TMTC2: variants seen among roughly 807,000 people sequenced by gnomAD.
The protein encoded by TMTC2 is protein O-mannosyl-transferase TMTC2.
TMTC2 carries 43 observed loss-of-function variants against 82.4 expected under a neutral mutation model. The ratio of observed to expected loss-of-function variants is 0.52; its 90% confidence interval spans 0.41 to 0.67. TMTC2 has a LOEUF of 0.67. TMTC2 is among the 30% of genes least tolerant of loss of function. The pLI, the probability that TMTC2 is intolerant of heterozygous loss-of-function variation, is 0.00. For synonymous variants in TMTC2, 408 were observed against 381.9 expected (o/e 1.07, Z -0.80); for missense variants, 919 against 1,012.4 (o/e 0.91, Z 1.25).
At chr12:83,059,343 A>T (rs1022874192) in intron 10 of TMTC2, among the ~76,000 whole-genome samples, 2 of 151,984 alleles carry the variant, frequency 1.3e-5, no homozygotes, top group African/African-American at 2.4e-5. Context: ...GGCATTGGAC[A>T]CTTCCTCATG....
intron 11 of TMTC2, among the ~76,000 whole-genome samples, chr12:83,102,092 G>A (rs969133269): frequency 1.3e-5 from 2 of 152,174 alleles, no homozygotes; most frequent in Non-Finnish European, 2.9e-5. Context: ...GAACTGGGTA[G>A]ATTTTTGTCA....
intron 1 of TMTC2, among the ~76,000 whole-genome samples, chr12:82,698,173 T>C (rs971053479): frequency 1.3e-5 from 2 of 152,186 alleles, no homozygotes; most frequent in African/African-American, 2.4e-5. Flanking sequence ...AAAAACCTTT[T>C]TAAGGAACTT....
intron 3 of TMTC2, among the ~76,000 whole-genome samples, chr12:82,917,536 A>G (rs924051898): frequency 6.6e-6 from 1 of 152,092 alleles, no homozygotes. Flanking sequence ...ATTTGTTATG[A>G]GGATTAGGAG....
intron 11 of TMTC2, among the ~76,000 whole-genome samples, chr12:83,091,468 G>T (rs904961326): frequency 6.6e-6 from 1 of 152,030 alleles, no homozygotes; most frequent in African/African-American, 2.4e-5. Context: ...CTTAATAGTT[G>T]CTATACTGCC....
intron 1 of TMTC2, among the ~76,000 whole-genome samples, chr12:82,735,969 T>TCACACACACA (rs148485109): frequency 4.1e-5 from 6 of 145,848 alleles, no homozygotes; most frequent in African/African-American, 1.5e-4. Context: ...CGAGACTCCG[T>TCACACACACA]CACACACACA....
At chr12:82,733,099 A>C (rs1459674431) in intron 1 of TMTC2, among the ~76,000 whole-genome samples, 2 of 152,214 alleles carry the variant, frequency 1.3e-5, no homozygotes, top group Admixed American at 6.5e-5. Flanking sequence ...CATTTGTGAA[A>C]TCCTTTCTCC....
At position 82,857,063 on chromosome 12, in the gene TMTC2, T is replaced by C. The variant is rs766971546; in HGVS notation, c.137T>C (p.Ile46Thr). 4.3e-5 allele frequency: 69 copies of C among 1,613,472 alleles called. No homozygotes were observed. Among genetic ancestry groups the C allele is most frequent in the Non-Finnish European group, 5.5e-5 (65 of 1,180,026 alleles). The change falls in exon 2 of 12, where the codon ATT (isoleucine) becomes ACT (threonine). Residue 46 changes from isoleucine (I) to threonine (T), a missense_variant. Ile to Thr is a moderately conservative substitution (Grantham distance 89). Coordinates refer to ENST00000321196, the MANE Select transcript of TMTC2 (RefSeq NM_152588.3). Reference sequence around the variant, plus strand: ...CTCCCAGAAACTCCATGGACGCACATTTTCTACAATGATTTTTGGGGGACT... The same window carrying C: ...CTCCCAGAAACTCCATGGACGCACACTTTCTACAATGATTTTTGGGGGACT... Reference protein sequence around the residue: ...DLLPETPWTHIFYNDFWGTLL... With the variant: ...DLLPETPWTHTFYNDFWGTLL...
intron 3 of TMTC2, among the ~76,000 whole-genome samples, chr12:82,904,248 T>C (rs570686293): frequency 6.6e-6 from 1 of 150,750 alleles, no homozygotes; most frequent in South Asian, 2.1e-4. Flanking sequence ...GGAGTTAGGA[T>C]TTTTTTTCTT....
chr12:82,785,002 A>C (rs1001050629), intron 1 of TMTC2, among the ~76,000 whole-genome samples: 1 of 152,084 alleles, frequency 6.6e-6, no homozygotes, highest in Non-Finnish European at 1.5e-5. Context: ...TGGGAATAAT[A>C]AGAGTGAACA....
intron 1 of TMTC2, among the ~76,000 whole-genome samples, chr12:82,776,264 A>C (rs1176657806): frequency 6.6e-6 from 1 of 152,258 alleles, no homozygotes. Context: ...TAAAGAGAGG[A>C]AAAGGCCAAC....
Position 83,023,030 on chromosome 12 carries a change from T to G in TMTC2, c.2071-7768T>G, listed in dbSNP as rs190707957. 1.5e-3 allele frequency among the ~76,000 whole-genome samples: 233 copies of G among 152,352 alleles called. 2 individuals are homozygous for G. Among genetic ancestry groups the G allele is most frequent in the African/African-American group, 5.0e-3 (209 of 41,582 alleles). On this transcript the variant is annotated intron_variant, in intron 8 of 11. Transcript: ENST00000321196. ...CAACTTCTTTGTATTTAAAGGTATT[T>G]TCTTAGGACAAATAGGTAGAAATAG...
intron 8 of TMTC2, among the ~76,000 whole-genome samples, chr12:82,998,815 C>G (rs1201929790): frequency 2.0e-5 from 3 of 151,866 alleles, no homozygotes; most frequent in Non-Finnish European, 4.4e-5. Context: ...AAATATGAGG[C>G]ACCTATGTAT....
In TMTC2 at chr12:83,132,733, G is replaced by T; in HGVS notation, c.*344G>T. The T allele has an allele frequency of 4.0e-6, 1 of 246,940 alleles. No homozygotes were observed. The allele number at this position is 246,940 out of a possible 1,614,324, so 15.3% of individuals were successfully genotyped here. On this transcript the variant is annotated 3_prime_UTR_variant, in exon 12 of 12. Transcript: ENST00000321196. ...TGAAAGCTAATTTCAAAATTATGTT[G>T]TTCCTTAAACACTGTGAGAGGAAGT...
intron 8 of TMTC2, among the ~76,000 whole-genome samples, chr12:82,990,563 G>GT (rs923776066): frequency 3.3e-5 from 5 of 151,802 alleles, no homozygotes; most frequent in African/African-American, 1.2e-4. Flanking sequence ...TTCCTTTTTT[G>GT]TTTTTTCTCT....
chr12:83,030,657 C>G (rs543951771), intron 8 of TMTC2, 141 bp from the exon 9 acceptor site: 1 of 572,952 alleles, frequency 1.7e-6, no homozygotes. Flanking sequence ...TGATCATCCT[C>G]ACATAGATAA....
chr12:82,781,887 T>TGG (rs1877929519), intron 1 of TMTC2, among the ~76,000 whole-genome samples: 1 of 151,940 alleles, frequency 6.6e-6, no homozygotes, highest in Non-Finnish European at 1.5e-5. Context: ...TGTTCATTCC[T>TGG]GGGGCCTGTT....
Position 82,785,758 on chromosome 12 carries a change from C to G in TMTC2, c.84-71252C>G, listed in dbSNP as rs180747680. On this transcript the variant is annotated intron_variant, in intron 1 of 11. Transcript: ENST00000321196. ...AATCCTGAAACATGGTTCCCTTTGT[C>G]ACTTTGGAATTCTCTAGTCTCCTTG... 1.8e-4 allele frequency among the ~76,000 whole-genome samples: 27 copies of G among 152,182 alleles called. 1 individual carries two copies. The highest frequency in any genetic ancestry group is 5.2e-4 in the Admixed American group (8 of 15,280).
intron 11 of TMTC2, among the ~76,000 whole-genome samples, chr12:83,073,802 G>A (rs553167803): frequency 6.6e-6 from 1 of 152,132 alleles, no homozygotes; most frequent in Admixed American, 6.5e-5. Flanking sequence ...ATTTCTAAAA[G>A]TATGTCTATA....
At chr12:83,086,957 G>T (rs1481904151) in intron 11 of TMTC2, among the ~76,000 whole-genome samples, 2 of 152,148 alleles carry the variant, frequency 1.3e-5, no homozygotes, top group Admixed American at 6.6e-5. Flanking sequence ...GAAGTTTGCT[G>T]CATGGATTAA....
Sources: allele counts gnomAD v4.1 joint callset (sites outside exome capture counted in the v4.1 genomes callset), GRCh38; gene constraint gnomAD v4.1.1; transcripts MANE v1.5; gene names NCBI Gene and HGNC (gene_info 2026-07-23, HGNC 2026-07-21).